The following GRIK2 variants were observed in gnomAD, a reference collection of about 807,000 sequenced individuals.
The protein encoded by GRIK2 is glutamate receptor ionotropic, kainate 2.
GRIK2 carries 32 observed loss-of-function variants against 100.3 expected under a neutral mutation model. That is an observed-to-expected ratio of 0.32 (90% CI 0.24 to 0.43). The LOEUF is 0.43. Among genes scored for constraint, GRIK2 ranks in the 20% least tolerant of loss-of-function variants. The pLI is 1.00. For synonymous variants in GRIK2, 417 were observed against 389.4 expected (o/e 1.07, Z -0.83); for missense variants, 843 against 1,114.9 (o/e 0.76, Z 3.47).
chr6:101,751,231 A>G, intron 7 of GRIK2, among the ~76,000 whole-genome samples: 1 of 151,770 alleles, frequency 6.6e-6, no homozygotes, highest in African/African-American at 2.4e-5. Context: ...GAGCCACCAC[A>G]CCTAGCTATT....
At chr6:101,559,891 A>G (rs1033389312) in intron 2 of GRIK2, among the ~76,000 whole-genome samples, 1 of 152,136 alleles carries the variant, frequency 6.6e-6, no homozygotes, top group African/African-American at 2.4e-5. Flanking sequence ...TTGTGGGGTG[A>G]TATGATGATA....
Position 102,068,396 on chromosome 6 carries a change from G to A in GRIK2, c.2612G>A (p.Cys871Tyr). The A allele has an allele frequency of 1.2e-6, 2 of 1,611,944 alleles. No homozygotes were observed. Among genetic ancestry groups the A allele is most frequent in the South Asian group, 1.1e-5 (1 of 91,042 alleles). ...MVEELRMSLK[C>Y]QRRLKHKPQA... ...GAAGAATTGAGGATGTCCCTGAAGT[G>A]CCAGCGTCGGTTAAAACATAAGCCA... Residue 871 changes from cysteine (C) to tyrosine (Y), a missense_variant, in exon 17 of 17, where the codon TGC becomes TAC. By Grantham distance (194) the Cys-to-Tyr change is radical. This residue lies in a region of GRIK2 where 87 missense variants were observed against 83.2 expected (regional missense o/e 1.05). Transcript: ENST00000369134.
chr6:102,040,366 T>C (rs1201850160), intron 15 of GRIK2, among the ~76,000 whole-genome samples: 1 of 151,512 alleles, frequency 6.6e-6, no homozygotes, highest in Non-Finnish European at 1.5e-5. Context: ...ATATTATCTA[T>C]GAATATCAAA....
intron 4 of GRIK2, among the ~76,000 whole-genome samples, chr6:101,654,025 G>A (rs60967026): frequency 0.11 from 16,224 of 152,142 alleles, 1,022 homozygotes; most frequent in Middle Eastern, 0.24. Flanking sequence ...CTGTCTCCTC[G>A]TTTAAACTGT....
chr6:101,731,698 A>C (rs1390780903), intron 7 of GRIK2, among the ~76,000 whole-genome samples: 1 of 152,044 alleles, frequency 6.6e-6, no homozygotes, highest in Non-Finnish European at 1.5e-5. Flanking sequence ...TCAAAAAAGA[A>C]TCTAAGGAAC....
intron 7 of GRIK2, among the ~76,000 whole-genome samples, chr6:101,698,049 T>C (rs1467350269): frequency 6.6e-6 from 1 of 152,130 alleles, no homozygotes; most frequent in East Asian, 1.9e-4. Context: ...AGAATGCAAC[T>C]GTGTAAATAT....
intron 14 of GRIK2, among the ~76,000 whole-genome samples, chr6:101,954,701 T>G (rs1007888559): frequency 6.6e-6 from 1 of 152,182 alleles, no homozygotes; most frequent in African/African-American, 2.4e-5. Flanking sequence ...TTGTGTTTTT[T>G]TTCTTGCCTT....
intron 11 of GRIK2, among the ~76,000 whole-genome samples, chr6:101,861,716 G>T (rs922950920): frequency 6.6e-6 from 1 of 151,910 alleles, no homozygotes; most frequent in Admixed American, 6.6e-5. Flanking sequence ...AACATTTTTG[G>T]ACCTTCTTAT....
At chr6:101,792,977 C>G (rs1408618688) in intron 7 of GRIK2, among the ~76,000 whole-genome samples, 1 of 152,124 alleles carries the variant, frequency 6.6e-6, no homozygotes, top group Non-Finnish European at 1.5e-5. Context: ...ATCACTGATA[C>G]CCTTTCTTCC....
At chr6:101,674,785 A>C (rs2128339298) in intron 4 of GRIK2, among the ~76,000 whole-genome samples, 1 of 152,274 alleles carries the variant, frequency 6.6e-6, no homozygotes, top group Non-Finnish European at 1.5e-5. Context: ...TATGTGTAGA[A>C]GCTGTTAGGT....
intron 14 of GRIK2, among the ~76,000 whole-genome samples, chr6:101,965,724 G>C (rs1024067214): frequency 3.0e-4 from 45 of 152,004 alleles, no homozygotes; most frequent in African/African-American, 1.1e-3. Flanking sequence ...TCATAAATTT[G>C]AAGTCTGTGG....
At chr6:101,858,604 T>C (rs376710842) in intron 10 of GRIK2, among the ~76,000 whole-genome samples, 1 of 151,978 alleles carries the variant, frequency 6.6e-6, no homozygotes, top group Non-Finnish European at 1.5e-5. Flanking sequence ...TTAGCCAGGA[T>C]GGTCTTGATC....
intron 7 of GRIK2, among the ~76,000 whole-genome samples, chr6:101,750,751 A>G (rs1416964820): frequency 6.6e-6 from 1 of 152,228 alleles, no homozygotes; most frequent in East Asian, 1.9e-4. Flanking sequence ...TTGTAACTAT[A>G]TAGAGGGTTA....
At chr6:101,602,398 T>G (rs1247328940) in intron 2 of GRIK2, among the ~76,000 whole-genome samples, 1 of 151,400 alleles carries the variant, frequency 6.6e-6, no homozygotes, top group Non-Finnish European at 1.5e-5. Context: ...ATATATACAG[T>G]AAATAGGGTT....
intron 2 of GRIK2, among the ~76,000 whole-genome samples, chr6:101,498,071 T>C (rs1285275701): frequency 7.7e-6 from 1 of 129,386 alleles, no homozygotes; most frequent in African/African-American, 3.0e-5. Flanking sequence ...CCTGTGCCCA[T>C]GTGTTCTCAT....
chr6:102,033,251 ATTATTC>A (rs1213081410), intron 14 of GRIK2, among the ~76,000 whole-genome samples: 2 of 130,694 alleles, frequency 1.5e-5, no homozygotes, highest in African/African-American at 9.2e-5. Context: ...AAAAAATTCT[ATTATTC>A]TTTCTGGAGG....
rs200713230 is a variant in GRIK2, at chr6:101,964,125, ATATAT to A, written c.2085+35494_2085+35498del. 7.1e-3 allele frequency among the ~76,000 whole-genome samples: 1,072 copies of A among 151,158 alleles called. 13 individuals carry two copies. The highest frequency in any genetic ancestry group is 0.025 in the African/African-American group (1,027 of 41,354). On this transcript the variant is annotated intron_variant, in intron 14 of 16. Transcript: ENST00000369134. ...CAATTTCTGGAGACTTTAAATGTAGATATATAATATATACATAATTATATTTCATT... is the reference window on the plus strand; with the variant it reads ...CAATTTCTGGAGACTTTAAATGTAGAAATATATACATAATTATATTTCATT...
chr6:101,882,497 T>C (rs1786320286), intron 11 of GRIK2, among the ~76,000 whole-genome samples: 1 of 152,096 alleles, frequency 6.6e-6, no homozygotes, highest in African/African-American at 2.4e-5. Flanking sequence ...TATTTGAAAT[T>C]ATTAGCAGGC....
At chr6:102,055,126 A>G (rs1771401324) in intron 15 of GRIK2, among the ~76,000 whole-genome samples, 1 of 152,118 alleles carries the variant, frequency 6.6e-6, no homozygotes, top group South Asian at 2.1e-4. Context: ...AATTCATTTA[A>G]TTCCTCAATA....
Sources: allele counts gnomAD v4.1 joint callset (sites outside exome capture counted in the v4.1 genomes callset), GRCh38; gene constraint gnomAD v4.1.1; regional missense constraint gnomAD v4.1.1; transcripts MANE v1.5; gene names NCBI Gene and HGNC (gene_info 2026-07-23, HGNC 2026-07-21).